GMDS: variants seen among roughly 807,000 people sequenced by gnomAD.
The protein encoded by GMDS is GDP-mannose 4,6 dehydratase.
GMDS carries 20 observed loss-of-function variants against 49.9 expected under a neutral mutation model. The ratio of observed to expected loss-of-function variants is 0.40; its 90% confidence interval spans 0.28 to 0.58. The LOEUF is 0.58. Ranked by LOEUF, GMDS falls within the 20% of genes least tolerant of loss-of-function variation. The pLI is 0.42. For missense variants in GMDS, 362 were observed against 481.4 expected, an observed-to-expected ratio of 0.75 and a Z score of 2.32; for synonymous variants, 177 against 178.6, an observed-to-expected ratio of 0.99 and a Z score of 0.07.
chr6:1,799,026 C>G (rs1459425053), intron 7 of GMDS, among the ~76,000 whole-genome samples: 2 of 152,194 alleles, frequency 1.3e-5, no homozygotes, highest in African/African-American at 4.8e-5. Flanking sequence ...GCATTTTGAT[C>G]ACTAAGACTT....
At chr6:1,758,579 G>T (rs548973668) in intron 7 of GMDS, among the ~76,000 whole-genome samples, 1 of 152,346 alleles carries the variant, frequency 6.6e-6, no homozygotes, top group Non-Finnish European at 1.5e-5. Context: ...TCCTCTGGAA[G>T]ATTAGAACGC....
intron 4 of GMDS, among the ~76,000 whole-genome samples, chr6:2,112,638 A>G (rs1283722810): frequency 6.6e-6 from 1 of 152,142 alleles, no homozygotes; most frequent in Non-Finnish European, 1.5e-5. Flanking sequence ...AAATGCATTC[A>G]ATTTGCATTT....
Position 1,635,158 on chromosome 6 carries a change from A to G in GMDS, c.988-10618T>C, listed in dbSNP as rs540411512. ...TCTAGAGAATCACCTGTGATCTCTC[A>G]TATCATTCCATGGAGCACGCCTTCT... On this transcript the variant is annotated intron_variant, in intron 9 of 10. Transcript: ENST00000380815. The surrounding 1 kb of genome is among the most constrained non-coding windows in gnomAD (Gnocchi z 4.7). 6.6e-6 allele frequency among the ~76,000 whole-genome samples: 1 copy of G among 152,300 alleles called. No homozygotes were observed. The highest frequency in any genetic ancestry group is 2.1e-4 in the South Asian group (1 of 4,826).
chr6:1,971,824 C>T (rs566426793), intron 4 of GMDS, among the ~76,000 whole-genome samples: 79 of 152,284 alleles, frequency 5.2e-4, no homozygotes, highest in African/African-American at 1.9e-3. Flanking sequence ...GCCACAGAGG[C>T]GAATTGGAGC....
intron 4 of GMDS, among the ~76,000 whole-genome samples, chr6:2,009,715 T>C (rs971448651): frequency 4.6e-5 from 7 of 152,046 alleles, no homozygotes; most frequent in Non-Finnish European, 7.4e-5. Context: ...TACTAAAAAA[T>C]GGAAAGGGAA....
intron 4 of GMDS, among the ~76,000 whole-genome samples, chr6:1,970,953 T>C (rs900730445): frequency 2.0e-5 from 3 of 146,852 alleles, no homozygotes; most frequent in Non-Finnish European, 4.5e-5. Flanking sequence ...TATCCCAGAC[T>C]TAAAGAGAAA....
At chr6:1,739,398 G>A (rs538172759) in intron 8 of GMDS, among the ~76,000 whole-genome samples, 82 of 152,326 alleles carry the variant, frequency 5.4e-4, no homozygotes, top group Non-Finnish European at 8.7e-4. Context: ...TGCGTGCCGC[G>A]GTGAGCATGG....
intron 7 of GMDS, among the ~76,000 whole-genome samples, chr6:1,874,315 G>T (rs1758922746): frequency 6.6e-6 from 1 of 152,106 alleles, no homozygotes; most frequent in African/African-American, 2.4e-5. Context: ...TTTAAGTTGT[G>T]GTTTACACTT....
intron 4 of GMDS, among the ~76,000 whole-genome samples, chr6:2,044,108 G>C (rs1769849734): frequency 6.6e-6 from 1 of 152,172 alleles, no homozygotes; most frequent in Admixed American, 6.5e-5. Flanking sequence ...CTTACACACT[G>C]CTGGTGGGCA....
intron 1 of GMDS, among the ~76,000 whole-genome samples, chr6:2,207,137 T>G (rs1779842359): frequency 6.6e-6 from 1 of 152,226 alleles, no homozygotes; most frequent in South Asian, 2.1e-4. Flanking sequence ...AGTCAAGAAC[T>G]GCTGATTACG....
chr6:1,998,602 A>T (rs1000478876), intron 4 of GMDS, among the ~76,000 whole-genome samples: 1 of 152,194 alleles, frequency 6.6e-6, no homozygotes, highest in Non-Finnish European at 1.5e-5. Flanking sequence ...TCAGAAAAAA[A>T]TTTTAATAAC....
intron 9 of GMDS, among the ~76,000 whole-genome samples, chr6:1,696,581 T>C (rs1765350191): frequency 6.6e-6 from 1 of 152,102 alleles, no homozygotes; most frequent in Non-Finnish European, 1.5e-5. Flanking sequence ...TTCATAGACA[T>C]CATTTCTATT....
At chr6:1,922,128 G>A (rs144854006) in intron 7 of GMDS, among the ~76,000 whole-genome samples, 93 of 152,222 alleles carry the variant, frequency 6.1e-4, no homozygotes, top group African/African-American at 2.2e-3. Flanking sequence ...AATAGAATAG[G>A]TTTTCTAGGA....
intron 7 of GMDS, among the ~76,000 whole-genome samples, chr6:1,911,536 C>G (rs536001339): frequency 6.6e-6 from 1 of 150,836 alleles, no homozygotes; most frequent in East Asian, 2.0e-4. Flanking sequence ...TTTCCTTGTG[C>G]CTGTTCTTTC....
intron 4 of GMDS, among the ~76,000 whole-genome samples, chr6:2,019,727 G>A (rs990511421): frequency 3.9e-5 from 6 of 152,156 alleles, no homozygotes; most frequent in African/African-American, 1.4e-4. Flanking sequence ...TGAGATTACA[G>A]GCATGAGCCA....
At chr6:2,203,273 TG>T (rs1327701314) in intron 1 of GMDS, among the ~76,000 whole-genome samples, 2 of 152,112 alleles carry the variant, frequency 1.3e-5, no homozygotes, top group African/African-American at 4.8e-5. Flanking sequence ...AATTTTGAAA[TG>T]AAAAATGATG....
intron 7 of GMDS, among the ~76,000 whole-genome samples, chr6:1,914,364 C>T (rs553754151): frequency 6.6e-6 from 1 of 150,518 alleles, no homozygotes; most frequent in Admixed American, 6.6e-5. Context: ...GCGTAGAATC[C>T]TCCAGTTGAG....
chr6:2,216,921 C>T (rs1005441484), intron 1 of GMDS, among the ~76,000 whole-genome samples: 1 of 152,110 alleles, frequency 6.6e-6, no homozygotes, highest in Admixed American at 6.5e-5. Flanking sequence ...TGGCTCCTCA[C>T]GGAAAGGGAG....
chr6:2,207,653 A>C (rs897746722), intron 1 of GMDS, among the ~76,000 whole-genome samples: 1 of 151,990 alleles, frequency 6.6e-6, no homozygotes, highest in African/African-American at 2.4e-5. Flanking sequence ...CACCTAGCAG[A>C]TGCTCAGTAA....
Sources: gnomAD v4.1 joint callset for allele counts (sites outside exome capture counted in the v4.1 genomes callset) on GRCh38, gnomAD v4.1.1 for gene constraint, Gnocchi (gnomAD v3.1) non-coding constraint, MANE v1.5 for transcripts, NCBI Gene and HGNC (gene_info 2026-07-23, HGNC 2026-07-21) for gene names.